CSMD1: variants seen among roughly 807,000 people sequenced by gnomAD.
CSMD1 encodes CUB and sushi domain-containing protein 1.
Under a neutral mutation model 417.5 loss-of-function variants are expected in CSMD1, and 213 were observed. The ratio of observed to expected loss-of-function variants is 0.51; its 90% CI spans 0.46 to 0.57. CSMD1 has a LOEUF of 0.57. Ranked by LOEUF, CSMD1 falls within the 20% of genes least tolerant of loss-of-function variation. The probability of loss-of-function intolerance (pLI) is 0.00; values close to 1 mark genes in which losing one functional copy is unlikely to be tolerated. For missense variants in CSMD1, 6,923 were observed against 4,529.7 expected (o/e 1.53, Z -15.17); for synonymous variants, 2,862 against 1,736.8 (o/e 1.65, Z -16.11).
Position 4,169,159 on chromosome 8 carries a change from A to G in CSMD1, c.416-137060T>C, listed in dbSNP as rs192427442. ...GGTGATGCCCAGCTTAATGGTGTAA[A>G]CACCGTCTCTACGGTTTCAGAATGT... On this transcript the variant is annotated intron_variant, in intron 3 of 69. Transcript: ENST00000635120. Among the ~76,000 whole-genome samples the G allele has an allele frequency of 1.1e-3, 166 of 152,204 alleles. 2 individuals carry two copies. The highest frequency in any genetic ancestry group is 3.9e-3 in the African/African-American group (160 of 41,500).
intron 40 of CSMD1, among the ~76,000 whole-genome samples, chr8:3,148,944 T>A (rs1268255784): frequency 6.6e-6 from 1 of 152,242 alleles, no homozygotes; most frequent in African/African-American, 2.4e-5. Context: ...AAGCTAGGGA[T>A]AATACTTTTC....
At position 3,031,979 on chromosome 8, in the gene CSMD1, T is replaced by C. The variant is rs764063743; in HGVS notation, c.7661-2466A>G. Among the ~76,000 whole-genome samples, 119 of 150,432 alleles carry C rather than the reference T, an allele frequency of 7.9e-4. 2 individuals are homozygous for C. The highest frequency in any genetic ancestry group is 1.3e-3 in the Non-Finnish European group (88 of 67,642). On this transcript the variant is annotated intron_variant, in intron 50 of 69. Transcript: ENST00000635120. ...CTATATGTGTGTATGTGTGTGTATA[T>C]ATATATATATACACATAATATAATT...
At chr8:3,179,216 A>G (rs954339107) in intron 37 of CSMD1, among the ~76,000 whole-genome samples, 19 of 152,132 alleles carry the variant, frequency 1.2e-4, no homozygotes, top group African/African-American at 4.6e-4. Context: ...AAGTGCTGGG[A>G]TTACAGGCGT....
At chr8:2,965,296 A>T (rs1254928203) in intron 59 of CSMD1, among the ~76,000 whole-genome samples, 6 of 152,128 alleles carry the variant, frequency 3.9e-5, no homozygotes, top group Non-Finnish European at 7.3e-5. Flanking sequence ...GGCCAGTGTC[A>T]TCTTCAGTCT....
At chr8:3,076,499 G>A (rs532851884) in intron 49 of CSMD1, among the ~76,000 whole-genome samples, 1 of 138,604 alleles carries the variant, frequency 7.2e-6, no homozygotes, top group Non-Finnish European at 1.6e-5. Flanking sequence ...GTAGCAGGCA[G>A]AACCTGCAGA....
At chr8:4,937,541 A>T (rs10110206) in intron 1 of CSMD1, among the ~76,000 whole-genome samples, 121,175 of 152,194 alleles carry the variant, frequency 0.8, 51,765 homozygotes, top group Non-Finnish European at 0.94. Context: ...AGTAACTTAC[A>T]GTACCAAATT....
At chr8:3,693,240 T>C (rs1403720051) in intron 7 of CSMD1, among the ~76,000 whole-genome samples, 1 of 152,214 alleles carries the variant, frequency 6.6e-6, no homozygotes, top group Non-Finnish European at 1.5e-5. Context: ...GCATAATATG[T>C]TCTGGGTATA....
At position 3,382,538 on chromosome 8, in the gene CSMD1, T is replaced by TA. The variant is rs1810702541; in HGVS notation, c.2782+4955_2782+4956insT. Among the ~76,000 whole-genome samples, 10 of 116,538 alleles carry TA rather than the reference T, an allele frequency of 8.6e-5. 1 individual carries two copies. Among genetic ancestry groups the TA allele is most frequent in the Middle Eastern group, 9.3e-3 (2 of 214 alleles). 76.5% of individuals were successfully genotyped at this position (116,538 alleles called of 152,430 possible). On this transcript the variant is annotated intron_variant, in intron 18 of 69. Transcript: ENST00000635120. ...ATATATAAATTTATATAAATATATATTTATTATTAGCATTATGTCTTTCTC... is the reference window on the plus strand; with the variant it reads ...ATATATAAATTTATATAAATATATATATTATTATTAGCATTATGTCTTTCTC...
intron 37 of CSMD1, among the ~76,000 whole-genome samples, chr8:3,167,798 C>T (rs1036598498): frequency 6.6e-6 from 1 of 152,160 alleles, no homozygotes; most frequent in Non-Finnish European, 1.5e-5. Context: ...CAGAATATAA[C>T]AATCAGCCTC....
intron 39 of CSMD1, among the ~76,000 whole-genome samples, chr8:3,155,372 T>TTTTTTTTTTTTTTTTTTTTTTTTTTG (rs1819458727): frequency 1.1e-5 from 1 of 93,090 alleles, no homozygotes; most frequent in Non-Finnish European, 2.3e-5. Flanking sequence ...TTTTTTTTTT[T>TTTTTTTTTTTTTTTTTTTTTTTTTTG]TTTTTTTTTT....
intron 3 of CSMD1, among the ~76,000 whole-genome samples, chr8:4,305,646 G>C (rs985497310): frequency 3.3e-5 from 5 of 152,134 alleles, no homozygotes; most frequent in Non-Finnish European, 5.9e-5. Context: ...ACTCAAAAAG[G>C]CATAACATCC....
intron 1 of CSMD1, among the ~76,000 whole-genome samples, chr8:4,763,148 A>T (rs559817251): frequency 5.4e-4 from 83 of 152,352 alleles, no homozygotes; most frequent in Admixed American, 2.5e-3. Flanking sequence ...AATACAGGAA[A>T]TAAAAACTGT....
chr8:4,149,516 G>C (rs1009474505), intron 3 of CSMD1, among the ~76,000 whole-genome samples: 1 of 152,054 alleles, frequency 6.6e-6, no homozygotes, highest in Admixed American at 6.5e-5. Flanking sequence ...AAATACTCAG[G>C]GAACTACCAT....
chr8:4,197,774 G>C (rs534879992), intron 3 of CSMD1, among the ~76,000 whole-genome samples: 6 of 152,150 alleles, frequency 3.9e-5, no homozygotes, highest in African/African-American at 1.4e-4. Context: ...AGCTACTTGG[G>C]AGGCTGATAT....
chr8:4,466,218 A>G (rs1298035496), intron 2 of CSMD1, among the ~76,000 whole-genome samples: 1 of 152,190 alleles, frequency 6.6e-6, no homozygotes, highest in African/African-American at 2.4e-5. Context: ...ATAGTGAGAC[A>G]GGGATCTCTC....
At chr8:4,402,114 T>G (rs1250796171) in intron 3 of CSMD1, among the ~76,000 whole-genome samples, 1 of 152,112 alleles carries the variant, frequency 6.6e-6, no homozygotes, top group Non-Finnish European at 1.5e-5. Flanking sequence ...TGAACTTGTC[T>G]TCCATTCTCT....
In CSMD1 at chr8:3,187,918, C is replaced by A. The variant is rs1444010442; in HGVS notation, c.5571G>T (p.Glu1857Asp). 4 of 1,613,438 alleles carry A rather than the reference C, an allele frequency of 2.5e-6. No homozygotes were observed. In the Admixed American group the frequency reaches 5.0e-5, roughly 20 times the overall value. ...FATEQNWDSL[E>D]IHDGGDVTAP... is the part of the protein sequence containing the mutation. ...CGGTCACATCCCCACCATCGTGGATCTCAAGGGAGTCCCAGTTCTGCTCCG... is the reference window on the plus strand; with the variant it reads ...CGGTCACATCCCCACCATCGTGGATATCAAGGGAGTCCCAGTTCTGCTCCG... The change falls in exon 36 of 70, where the codon GAG (glutamate) becomes GAT (aspartate). Residue 1857 changes from glutamate to aspartate, a missense_variant. By Grantham distance (45) the Glu-to-Asp change is conservative. Coordinates refer to ENST00000635120, the MANE Select transcript of CSMD1 (RefSeq NM_033225.6).
At chr8:3,933,266 A>C (rs1810276686) in intron 5 of CSMD1, among the ~76,000 whole-genome samples, 1 of 152,192 alleles carries the variant, frequency 6.6e-6, no homozygotes, top group African/African-American at 2.4e-5. Flanking sequence ...AAATTGACTA[A>C]TCTAAAATAT....
At chr8:4,136,990 G>A (rs190552191) in intron 3 of CSMD1, among the ~76,000 whole-genome samples, 10 of 152,220 alleles carry the variant, frequency 6.6e-5, no homozygotes, top group African/African-American at 2.2e-4. Flanking sequence ...ATAAATGTGG[G>A]CACAGTGAGA....
Sources: allele counts gnomAD v4.1 joint callset (sites outside exome capture counted in the v4.1 genomes callset), GRCh38; gene constraint gnomAD v4.1.1; transcripts MANE v1.5; gene names NCBI Gene and HGNC (gene_info 2026-07-23, HGNC 2026-07-21).